Variants in PPP2R2A observed in about 807,000 individuals in gnomAD.
PPP2R2A encodes protein phosphatase 2 regulatory subunit Balpha.
PPP2R2A carries 9 observed loss-of-function variants against 53.2 expected under a neutral mutation model. That is an observed-to-expected ratio of 0.17 (90% CI 0.10 to 0.30). The LOEUF (loss-of-function observed/expected upper bound fraction) is 0.30, where lower values mean the gene tolerates loss of function less well. PPP2R2A is among the 10% of genes least tolerant of loss of function. The probability of loss-of-function intolerance (pLI) is 1.00; values close to 1 mark genes in which losing one functional copy is unlikely to be tolerated. For synonymous variants in PPP2R2A, 169 were observed against 174.2 expected (o/e 0.97, Z 0.23); for missense variants, 235 against 534.6 (o/e 0.44, Z 5.53).
chr8:26,325,493 G>T (rs573996510), intron 2 of PPP2R2A, among the ~76,000 whole-genome samples: 1 of 152,078 alleles, frequency 6.6e-6, no homozygotes, highest in African/African-American at 2.4e-5. Flanking sequence ...GCGTGAAAAC[G>T]GACTAATACA....
chr8:26,323,844 C>G (rs1463418047), intron 2 of PPP2R2A, among the ~76,000 whole-genome samples: 3 of 152,152 alleles, frequency 2.0e-5, no homozygotes, highest in Non-Finnish European at 2.9e-5. Context: ...CAGCCCCACT[C>G]CCTTCCACTT....
Position 26,370,012 on chromosome 8 carries a change from C to A in PPP2R2A, c.1065-122C>A. 2.1e-6 allele frequency: 2 copies of A among 958,054 alleles called. No homozygotes were observed. Among genetic ancestry groups the A allele is most frequent in the East Asian group, 2.5e-5 (1 of 39,280 alleles). The allele number at this position is 958,054 out of a possible 1,614,324, so 59.3% of individuals were successfully genotyped here. On this transcript the variant is annotated intron_variant, in intron 9 of 9. Transcript: ENST00000380737. This position sits in a 1 kb window ranked among gnomAD's most constrained non-coding sequence, Gnocchi z 6.1. ...AGTGATTGAGTTGATGTCAACAGCCCCTGTCCCTTAGTTTAAATCTGCTTT... is the reference window on the plus strand; with the variant it reads ...AGTGATTGAGTTGATGTCAACAGCCACTGTCCCTTAGTTTAAATCTGCTTT...
In PPP2R2A at chr8:26,351,077, T is replaced by C. The variant is rs574686157; in HGVS notation, c.181-3391T>C. Reference sequence around the variant, plus strand: ...TGACTTGCCTTTTCATTTTTTTGAATAGTATATTTTTATAAATAGAGATTA... The same window carrying C: ...TGACTTGCCTTTTCATTTTTTTGAACAGTATATTTTTATAAATAGAGATTA... On this transcript the variant is annotated intron_variant, in intron 3 of 9. Coordinates refer to ENST00000380737, the MANE Select transcript of PPP2R2A (RefSeq NM_002717.4). Among the ~76,000 whole-genome samples the C allele has an allele frequency of 1.5e-3, 222 of 152,316 alleles. 2 individuals carry two copies. The highest frequency in any genetic ancestry group is 4.6e-3 in the African/African-American group (191 of 41,594).
intron 4 of PPP2R2A, among the ~76,000 whole-genome samples, chr8:26,359,204 C>T (rs187203680): frequency 2.0e-4 from 31 of 152,238 alleles, no homozygotes; most frequent in Non-Finnish European, 2.8e-4. Flanking sequence ...TCAAAACTGT[C>T]AAGATCAAGA....
At chr8:26,364,137 ATTG>A (rs1478262864) in intron 8 of PPP2R2A, among the ~76,000 whole-genome samples, 1 of 151,722 alleles carries the variant, frequency 6.6e-6, no homozygotes, top group Non-Finnish European at 1.5e-5. Context: ...CAGTATTGAC[ATTG>A]TTTTTTTTTC....
intron 2 of PPP2R2A, among the ~76,000 whole-genome samples, chr8:26,317,324 C>A (rs2117254704): frequency 6.6e-6 from 1 of 152,256 alleles, no homozygotes; most frequent in South Asian, 2.1e-4. Context: ...TTTAAAATAT[C>A]TTTACTATTA....
At chr8:26,296,584 T>C (rs1801548723) in intron 2 of PPP2R2A, among the ~76,000 whole-genome samples, 1 of 152,232 alleles carries the variant, frequency 6.6e-6, no homozygotes, top group South Asian at 2.1e-4. Flanking sequence ...GTAGATATCA[T>C]ATGGTACCCC....
intron 2 of PPP2R2A, among the ~76,000 whole-genome samples, chr8:26,303,783 A>T (rs1304496353): frequency 1.3e-5 from 2 of 152,210 alleles, no homozygotes; most frequent in African/African-American, 4.8e-5. Flanking sequence ...TTAAAAATGA[A>T]TATGAATGTT....
intron 3 of PPP2R2A, among the ~76,000 whole-genome samples, chr8:26,346,236 G>A (rs1222759111): frequency 6.6e-6 from 1 of 151,888 alleles, no homozygotes; most frequent in Non-Finnish European, 1.5e-5. Context: ...CACCACCCAG[G>A]TTCAAGTCAT....
intron 2 of PPP2R2A, among the ~76,000 whole-genome samples, chr8:26,313,489 G>C (rs532725395): frequency 1.3e-5 from 2 of 152,322 alleles, no homozygotes; most frequent in African/African-American, 4.8e-5. Flanking sequence ...GTTTAAGCCA[G>C]TGTTCACAGT....
rs182193677 is a variant in PPP2R2A, at chr8:26,368,976, C to T, written c.1065-1158C>T. On this transcript the variant is annotated intron_variant, in intron 9 of 9. Transcript: ENST00000380737. Reference sequence around the variant, plus strand: ...AAAAAAAACTAGCCGGGCGTGGTGGCGGACGCCTGTAGTCCCAGCTACTCA... The same window carrying T: ...AAAAAAAACTAGCCGGGCGTGGTGGTGGACGCCTGTAGTCCCAGCTACTCA... 2.4e-4 allele frequency among the ~76,000 whole-genome samples: 36 copies of T among 151,766 alleles called. No individual in the cohort carries two copies. In the East Asian group the frequency reaches 2.8e-3, roughly 12 times the overall value.
At chr8:26,363,486 A>G in intron 7 of PPP2R2A, 1 of 346,914 alleles carries the variant, frequency 2.9e-6, no homozygotes, top group East Asian at 4.5e-5. Flanking sequence ...CTGGTTCTAA[A>G]TTAGTCATAT....
intron 3 of PPP2R2A, among the ~76,000 whole-genome samples, chr8:26,344,197 C>T (rs1804095130): frequency 6.6e-6 from 1 of 152,176 alleles, no homozygotes. Context: ...CTAAATCTTA[C>T]TTAATCATCA....
chr8:26,336,918 T>G (rs535330551), intron 2 of PPP2R2A, among the ~76,000 whole-genome samples: 1 of 152,004 alleles, frequency 6.6e-6, no homozygotes, highest in African/African-American at 2.4e-5. Context: ...AACCTACCTG[T>G]CTAACTTTAC....
rs1328529882 is a variant in PPP2R2A, at chr8:26,338,399, A to G, written c.83-491A>G. On this transcript the variant is annotated intron_variant, in intron 2 of 9. Coordinates refer to ENST00000380737, the MANE Select transcript of PPP2R2A (RefSeq NM_002717.4). This position sits in a 1 kb window ranked among gnomAD's most constrained non-coding sequence, Gnocchi z 4.5. The stretch of plus-strand genomic sequence containing the variant: ...AAAAAAGCGGGATCTATTTGCAAAC[A>G]CTTGTTTGAAGCCATGATTTTGAAT... Among the ~76,000 whole-genome samples, 1 of 152,182 alleles carries G rather than the reference A, an allele frequency of 6.6e-6. No homozygotes were observed. Among genetic ancestry groups the G allele is most frequent in the East Asian group, 1.9e-4 (1 of 5,206 alleles).
At chr8:26,335,045 C>T (rs1228377255) in intron 2 of PPP2R2A, among the ~76,000 whole-genome samples, 1 of 152,156 alleles carries the variant, frequency 6.6e-6, no homozygotes, top group African/African-American at 2.4e-5. Context: ...GCCGAGGATG[C>T]TTACAACTAG....
chr8:26,370,626 G>C lies in PPP2R2A; in HGVS notation c.*213G>C, dbSNP rs947194230. ...CATGTCTGCTAGCCATTTAGGTAAG[G>C]GTAGGGCACTTTTAATTTAAATGAC... is the stretch of plus-strand genomic sequence containing the variant. On this transcript the variant is annotated 3_prime_UTR_variant, in exon 10 of 10. Transcript: ENST00000380737. This position sits in a 1 kb window ranked among gnomAD's most constrained non-coding sequence, Gnocchi z 6.1. The C allele has an allele frequency of 1.7e-6, 1 of 597,220 alleles. No homozygotes were observed. 37.0% of individuals were successfully genotyped at this position (597,220 alleles called of 1,614,324 possible).
rs1232832209 is a variant in PPP2R2A at position 26,321,466 on chromosome 8, G to A, written c.83-17424G>A. On this transcript the variant is annotated intron_variant, in intron 2 of 9. Coordinates refer to ENST00000380737, the MANE Select transcript of PPP2R2A (RefSeq NM_002717.4). The surrounding 1 kb of genome is among the most constrained non-coding windows in gnomAD (Gnocchi z 4.1). Reference sequence around the variant, plus strand: ...CCCTTTGAGTGTTTCTGGACCTCTCGTGACTTGCTTCCACAAGTGGGGCAA... The same window carrying A: ...CCCTTTGAGTGTTTCTGGACCTCTCATGACTTGCTTCCACAAGTGGGGCAA... Among the ~76,000 whole-genome samples the A allele has an allele frequency of 2.6e-5, 4 of 152,148 alleles. No individual in the cohort carries two copies. The highest frequency in any genetic ancestry group is 2.1e-4 in the South Asian group (1 of 4,824).
intron 9 of PPP2R2A, among the ~76,000 whole-genome samples, chr8:26,369,319 C>T (rs1202698703): frequency 2.6e-5 from 4 of 151,688 alleles, no homozygotes; most frequent in East Asian, 2.0e-4. Flanking sequence ...CTCCGCCTCC[C>T]GGGTTCAAGG....
Sources: gnomAD v4.1 joint callset for allele counts (sites outside exome capture counted in the v4.1 genomes callset) on GRCh38, gnomAD v4.1.1 for gene constraint, Gnocchi (gnomAD v3.1) non-coding constraint, MANE v1.5 for transcripts, NCBI Gene and HGNC (gene_info 2026-07-23, HGNC 2026-07-21) for gene names.